The following DENND1B variants were observed in gnomAD, a reference collection of about 807,000 sequenced individuals.
The protein encoded by DENND1B is DENN domain-containing protein 1B.
Under a neutral mutation model 90.1 loss-of-function variants are expected in DENND1B, and 59 were observed. That is an observed-to-expected ratio of 0.65 (90% CI 0.53 to 0.81). DENND1B has a LOEUF of 0.81. DENND1B is among the 40% of genes least tolerant of loss of function. The pLI is 0.00. For missense variants in DENND1B, 862 were observed against 912.6 expected, an observed-to-expected ratio of 0.94 and a Z score of 0.71; for synonymous variants, 337 against 324.6, an observed-to-expected ratio of 1.04 and a Z score of -0.41.
intron 10 of DENND1B, among the ~76,000 whole-genome samples, chr1:197,631,929 AT>A (rs1448077953): frequency 6.6e-6 from 1 of 152,084 alleles, no homozygotes; most frequent in Non-Finnish European, 1.5e-5. Flanking sequence ...CTAAGTAAAC[AT>A]TTGGTAAAGA....
At chr1:197,551,221 C>T (rs1671218123) in intron 16 of DENND1B, among the ~76,000 whole-genome samples, 1 of 151,764 alleles carries the variant, frequency 6.6e-6, no homozygotes, top group Admixed American at 6.6e-5. Context: ...TTATTTTCAT[C>T]TACAAAAAAA....
intron 1 of DENND1B, chr1:197,774,461 C>G (rs1196025823): frequency 6.6e-6 from 1 of 152,100 alleles, no homozygotes; most frequent in Non-Finnish European, 1.5e-5. Context: ...AACAAAATCA[C>G]CACCGTTATT....
chr1:197,523,042 G>A (rs1181197224), intron 20 of DENND1B, among the ~76,000 whole-genome samples: 4 of 152,108 alleles, frequency 2.6e-5, no homozygotes, highest in East Asian at 1.9e-4. Flanking sequence ...CTACTACCTC[G>A]TGCTCATAAG....
chr1:197,767,233 G>C (rs74566816), intron 2 of DENND1B, among the ~76,000 whole-genome samples: 1 of 152,014 alleles, frequency 6.6e-6, no homozygotes, highest in Non-Finnish European at 1.5e-5. Flanking sequence ...AGACACATCA[G>C]TATTTCTCTA....
At position 197,505,747 on chromosome 1, in the gene DENND1B, G is replaced by A. The variant is rs1042700857; in HGVS notation, c.*4713C>T. Reference sequence around the variant, plus strand: ...TACACAGTCAAAAAGTATTGGCAATGCCCTTTATAAATCTTATCAAAGATT... The same window carrying A: ...TACACAGTCAAAAAGTATTGGCAATACCCTTTATAAATCTTATCAAAGATT... On this transcript the variant is annotated 3_prime_UTR_variant, in exon 23 of 23. Transcript: ENST00000620048. 5 of 151,608 alleles carry A rather than the reference G, an allele frequency of 3.3e-5. No homozygotes were observed. The allele number at this position is 151,608 out of a possible 1,614,324, so 9.4% of individuals were successfully genotyped here.
chr1:197,546,472 T>C (rs1008158186), intron 17 of DENND1B, among the ~76,000 whole-genome samples: 1 of 152,132 alleles, frequency 6.6e-6, no homozygotes, highest in Non-Finnish European at 1.5e-5. Context: ...GAAAATAATA[T>C]AAGAAAAACA....
At chr1:197,576,420 G>A (rs1673692961) in intron 15 of DENND1B, among the ~76,000 whole-genome samples, 2 of 152,130 alleles carry the variant, frequency 1.3e-5, no homozygotes, top group South Asian at 4.1e-4. Context: ...TTCTTCACAG[G>A]GGTACAGACC....
intron 3 of DENND1B, among the ~76,000 whole-genome samples, chr1:197,686,923 G>C (rs76172163): frequency 1.3e-5 from 2 of 152,048 alleles, no homozygotes; most frequent in Non-Finnish European, 2.9e-5. Context: ...CCAGTTCAAC[G>C]ACCTAACAGC....
chr1:197,622,314 T>C, intron 10 of DENND1B, among the ~76,000 whole-genome samples: 1 of 151,364 alleles, frequency 6.6e-6, no homozygotes, highest in East Asian at 1.9e-4. Context: ...ACTTATCAGA[T>C]CAAGGCACTA....
intron 19 of DENND1B, 44 bp downstream of exon 19, chr1:197,540,915 A>C (rs745345350): frequency 6.4e-7 from 1 of 1,553,902 alleles, no homozygotes; most frequent in Non-Finnish European, 8.8e-7. Context: ...CTTCAAACTA[A>C]TACAAGAATC....
Position 197,510,623 on chromosome 1 carries a change from T to G in DENND1B, c.2165A>C (p.His722Pro), listed in dbSNP as rs780851787. The G allele has an allele frequency of 2.5e-6, 4 of 1,612,860 alleles. No individual in the cohort carries two copies. The highest frequency in any genetic ancestry group is 3.4e-6 in the Non-Finnish European group (4 of 1,179,242). Residue 722 changes from histidine (H) to proline (P), a missense_variant, in exon 23 of 23, where the codon CAT becomes CCT. Transcript: ENST00000620048. ...CTCCCAAGGAACAAAAGTCGATGAA[T>G]GCCGCCCAAGACCGGGTATAAGCAG... ...DDLLIPGLGR[H>P]SSTFVPWEKE...
intron 15 of DENND1B, among the ~76,000 whole-genome samples, chr1:197,562,024 C>T (rs966088790): frequency 3.3e-5 from 5 of 151,798 alleles, no homozygotes; most frequent in Admixed American, 6.6e-5. Context: ...ACACATATTC[C>T]AGGAAATCTA....
intron 2 of DENND1B, among the ~76,000 whole-genome samples, chr1:197,750,902 A>G (rs923044648): frequency 2.6e-5 from 4 of 152,324 alleles, no homozygotes; most frequent in African/African-American, 9.6e-5. Context: ...TAATAGTTGT[A>G]AATGTGTATG....
intron 2 of DENND1B, among the ~76,000 whole-genome samples, chr1:197,762,651 T>C (rs1020675293): frequency 3.3e-5 from 5 of 152,184 alleles, no homozygotes; most frequent in Admixed American, 2.0e-4. Context: ...TTTCTAGACT[T>C]GTTCATTCTA....
chr1:197,577,638 A>C (rs542584648), intron 15 of DENND1B, among the ~76,000 whole-genome samples: 1 of 152,294 alleles, frequency 6.6e-6, no homozygotes, highest in East Asian at 1.9e-4. Context: ...GTATGAGATA[A>C]AAGTAAGAGA....
chr1:197,626,948 G>A (rs559017799), intron 10 of DENND1B, among the ~76,000 whole-genome samples: 11 of 152,066 alleles, frequency 7.2e-5, no homozygotes, highest in East Asian at 3.9e-4. Context: ...TAAATTCCTC[G>A]ACACACACAC....
intron 20 of DENND1B, among the ~76,000 whole-genome samples, chr1:197,537,052 A>AT (rs1178344462): frequency 2.0e-5 from 3 of 151,870 alleles, no homozygotes; most frequent in Admixed American, 2.0e-4. Context: ...GAGAAAAAAA[A>AT]AAAAAGATAC....
At chr1:197,735,333 A>G (rs1440698006) in intron 2 of DENND1B, 13 of 1,282,516 alleles carry the variant, frequency 1.0e-5, no homozygotes, top group Non-Finnish European at 1.2e-5. Flanking sequence ...TTATTTCCTC[A>G]GAATGCTACA....
At chr1:197,611,178 A>G (rs1476512660) in intron 12 of DENND1B, among the ~76,000 whole-genome samples, 2 of 150,888 alleles carry the variant, frequency 1.3e-5, no homozygotes, top group Non-Finnish European at 3.0e-5. Context: ...AGACAAATTT[A>G]TCTGAATAAA....
Sources: allele counts gnomAD v4.1 joint callset (sites outside exome capture counted in the v4.1 genomes callset), GRCh38; gene constraint gnomAD v4.1.1; transcripts MANE v1.5; gene names NCBI Gene and HGNC (gene_info 2026-07-23, HGNC 2026-07-21).